Variants in CDH18 observed in about 807,000 individuals in gnomAD.
The protein encoded by CDH18 is cadherin-18.
A neutral mutation model predicts 67.9 loss-of-function variants in CDH18; 31 were observed. That is an observed-to-expected ratio of 0.46 (90% CI 0.34 to 0.62). The LOEUF is 0.62. Among genes scored for constraint, CDH18 ranks in the 20% least tolerant of loss-of-function variants. The probability of loss-of-function intolerance (pLI) is 0.01; values close to 1 mark genes in which losing one functional copy is unlikely to be tolerated. For missense variants in CDH18, 890 were observed against 975.5 expected, an observed-to-expected ratio of 0.91 and a Z score of 1.17; for synonymous variants, 362 against 347.2, an observed-to-expected ratio of 1.04 and a Z score of -0.48.
In CDH18 at chr5:19,933,599, C is replaced by T. The variant is rs141895169; in HGVS notation, c.-257+47461G>A. Among the ~76,000 whole-genome samples, 246 of 151,646 alleles carry T rather than the reference C, an allele frequency of 1.6e-3. 1 individual carries two copies. The highest frequency in any genetic ancestry group is 5.8e-3 in the African/African-American group (242 of 41,486). On this transcript the variant is annotated intron_variant, in intron 2 of 12. Transcript: ENST00000382275. Reference sequence around the variant, plus strand: ...TTTAATCAGTATTTTGCCATCATAACTCCACCTAATGTACTCTTGGCAAGA... The same window carrying T: ...TTTAATCAGTATTTTGCCATCATAATTCCACCTAATGTACTCTTGGCAAGA...
At chr5:20,070,171 T>C (rs1743350522) in intron 2 of CDH18, among the ~76,000 whole-genome samples, 1 of 152,242 alleles carries the variant, frequency 6.6e-6, no homozygotes, top group Non-Finnish European at 1.5e-5. Flanking sequence ...GATTGGCTTA[T>C]TTCACTTGGT....
At chr5:20,172,684 T>A (rs951789882) in intron 2 of CDH18, among the ~76,000 whole-genome samples, 6 of 151,996 alleles carry the variant, frequency 3.9e-5, no homozygotes, top group Non-Finnish European at 8.8e-5. Context: ...TTATAAGTGA[T>A]TTTTCTTAAA....
intron 11 of CDH18, among the ~76,000 whole-genome samples, chr5:19,484,528 C>T (rs1740036599): frequency 6.6e-6 from 1 of 152,174 alleles, no homozygotes; most frequent in South Asian, 2.1e-4. Context: ...CTTGGATGTA[C>T]TGTTCAGATC....
intron 2 of CDH18, among the ~76,000 whole-genome samples, chr5:19,956,082 T>A (rs955799544): frequency 1.3e-5 from 2 of 151,990 alleles, no homozygotes; most frequent in Admixed American, 1.3e-4. Context: ...TTTTATAGTA[T>A]CTTTATTTAC....
chr5:19,750,775 C>A (rs977393094), intron 3 of CDH18, among the ~76,000 whole-genome samples: 1 of 86,588 alleles, frequency 1.2e-5, no homozygotes, highest in Non-Finnish European at 2.3e-5. Context: ...CCCCCCCCCA[C>A]TTTTTTTAAA....
chr5:20,540,173 TAG>T (rs1221555086), intron 1 of CDH18, among the ~76,000 whole-genome samples: 1 of 152,180 alleles, frequency 6.6e-6, no homozygotes, highest in Non-Finnish European at 1.5e-5. Flanking sequence ...TCCAAGAAAG[TAG>T]AGAGACTTGT....
Position 19,955,619 on chromosome 5 carries a change from G to A in CDH18, c.-257+25441C>T, listed in dbSNP as rs375799636. 5.9e-4 allele frequency among the ~76,000 whole-genome samples: 90 copies of A among 152,124 alleles called. No homozygotes were observed. The South Asian group carries it at 0.016, about 27-fold the overall frequency. On this transcript the variant is annotated intron_variant, in intron 2 of 12. Transcript: ENST00000382275. The stretch of plus-strand genomic sequence containing the variant: ...CCAGGCAAACTTAAAAACAAAGGAA[G>A]AGGTAACACTTAAAATTTATAGCAC...
chr5:20,560,468 TACACACACAC>T (rs547246325), intron 1 of CDH18, among the ~76,000 whole-genome samples: 1,408 of 127,692 alleles, frequency 0.011, 10 homozygotes, highest in Middle Eastern at 0.033. Context: ...CCAACACTCA[TACACACACAC>T]ACACACACAC....
Position 19,934,188 on chromosome 5 carries a change from AAGAG to A in CDH18, c.-257+46868_-257+46871del, listed in dbSNP as rs569198069. ...GAAGGAAACAAAAGACAGAAAGAGA[AAGAG>A]AGAGAGAGAGAAAAGGAAGAAAGGA... On this transcript the variant is annotated intron_variant, in intron 2 of 12. Coordinates refer to ENST00000382275, the MANE Select transcript of CDH18 (RefSeq NM_004934.5). Among the ~76,000 whole-genome samples the A allele has an allele frequency of 3.6e-3, 537 of 150,972 alleles. 1 individual carries two copies. The highest frequency in any genetic ancestry group is 5.8e-3 in the Non-Finnish European group (392 of 67,358).
intron 1 of CDH18, among the ~76,000 whole-genome samples, chr5:20,482,214 A>G (rs1008343821): frequency 3.3e-5 from 5 of 152,034 alleles, no homozygotes; most frequent in Non-Finnish European, 7.4e-5. Context: ...CTAGGCACAT[A>G]TAATCTACTA....
At chr5:20,086,107 G>A (rs1561778546) in intron 2 of CDH18, among the ~76,000 whole-genome samples, 1 of 152,192 alleles carries the variant, frequency 6.6e-6, no homozygotes, top group Non-Finnish European at 1.5e-5. Context: ...ACACATAAAT[G>A]ATAAGAAAGT....
At chr5:19,541,479 G>A (rs1027430121) in intron 9 of CDH18, among the ~76,000 whole-genome samples, 5 of 152,042 alleles carry the variant, frequency 3.3e-5, no homozygotes, top group African/African-American at 1.2e-4. Context: ...AATTTACTGT[G>A]TTAGTCTGTT....
At chr5:20,184,470 T>C (rs2063227) in intron 2 of CDH18, among the ~76,000 whole-genome samples, 108,049 of 151,912 alleles carry the variant, frequency 0.71, 39,416 homozygotes, top group African/African-American at 0.89. Flanking sequence ...TCTTTTCTAA[T>C]ACAAGGTTAA....
intron 2 of CDH18, among the ~76,000 whole-genome samples, chr5:20,238,297 G>C (rs377634321): frequency 6.6e-6 from 1 of 151,930 alleles, no homozygotes; most frequent in Non-Finnish European, 1.5e-5. Flanking sequence ...CAAACAGCAC[G>C]TGATAAACTG....
chr5:20,312,716 C>G (rs951456563), intron 1 of CDH18, among the ~76,000 whole-genome samples: 2 of 152,120 alleles, frequency 1.3e-5, no homozygotes, highest in Admixed American at 6.5e-5. Flanking sequence ...TATCCTTATA[C>G]TCCCCAACTT....
intron 2 of CDH18, among the ~76,000 whole-genome samples, chr5:19,868,653 A>T (rs1330522822): frequency 6.6e-6 from 1 of 152,202 alleles, no homozygotes; most frequent in African/African-American, 2.4e-5. Flanking sequence ...AGACTGAACC[A>T]TAAAAACCTT....
At chr5:19,596,503 A>G (rs1241336217) in intron 6 of CDH18, among the ~76,000 whole-genome samples, 1 of 152,228 alleles carries the variant, frequency 6.6e-6, no homozygotes, top group African/African-American at 2.4e-5. Context: ...AAACCTGTCA[A>G]GTAGTTAATA....
At chr5:19,958,359 T>A in intron 2 of CDH18, among the ~76,000 whole-genome samples, 4 of 92,226 alleles carry the variant, frequency 4.3e-5, no homozygotes, top group South Asian at 3.2e-4. Flanking sequence ...AGAAACTCAA[T>A]AGGATGATCT....
In CDH18 at chr5:20,019,048, C is replaced by T. The variant is rs549427979; in HGVS notation, c.-517-27034G>A. Among the ~76,000 whole-genome samples, 4 of 142,394 alleles carry T rather than the reference C, an allele frequency of 2.8e-5. No individual in the cohort carries two copies. The East Asian group carries it at 1.0e-3, about 37-fold the overall frequency. 93.4% of individuals were successfully genotyped at this position (142,394 alleles called of 152,430 possible). On this transcript the variant is annotated intron_variant, in intron 2 of 14. Transcript: ENST00000507958. ...TCCTGACCTCGTGATCCGCCCATCTCGGCCTCCCAAAGTGCTGGGATTACA... is the reference window on the plus strand; with the variant it reads ...TCCTGACCTCGTGATCCGCCCATCTTGGCCTCCCAAAGTGCTGGGATTACA...
Sources: gnomAD v4.1 joint callset for allele counts (sites outside exome capture counted in the v4.1 genomes callset) on GRCh38, gnomAD v4.1.1 for gene constraint, MANE v1.5 for transcripts, NCBI Gene and HGNC (gene_info 2026-07-23, HGNC 2026-07-21) for gene names.